CAVIN4: variants seen among roughly 807,000 people sequenced by gnomAD.
The protein encoded by CAVIN4 is caveolae associated protein 4, also known as caveolae-associated protein 4.
CAVIN4 carries 10 observed loss-of-function variants against 18.6 expected under a neutral mutation model. The observed-to-expected ratio is 0.54, with a 90% CI of 0.33 to 0.91. The LOEUF (loss-of-function observed/expected upper bound fraction) is 0.91. Ranked by LOEUF, CAVIN4 falls within the 40% of genes least tolerant of loss-of-function variation. CAVIN4 has a pLI of 0.02. For synonymous variants in CAVIN4, 173 were observed against 164.8 expected (o/e 1.05, Z -0.38); for missense variants, 459 against 440.5 (o/e 1.04, Z -0.38).
chr9:100,580,831 G>A (rs1426197797), intron 1 of CAVIN4, among the ~76,000 whole-genome samples: 4 of 152,188 alleles, frequency 2.6e-5, no homozygotes, highest in African/African-American at 2.4e-5. Context: ...GGAACAGCTC[G>A]TAGAGAAAAG....
At position 100,586,179 on chromosome 9, in the gene CAVIN4, A is replaced by G. The variant is rs777615745; in HGVS notation, c.823A>G (p.Arg275Gly). 12 of 1,559,882 alleles carry G rather than the reference A, an allele frequency of 7.7e-6. No homozygotes were observed. In the South Asian group the frequency reaches 1.3e-4, roughly 16 times the overall value. The stretch of plus-strand genomic sequence containing the variant: ...GGAAGCTTTTAAGATGCGCAGCCTC[A>G]GGAAAGGTAAGGACCGAACAGTGGC... ...SKEAFKMRSL[R>G]KGKDRTVAEG... The change falls in exon 2 of 2, where the codon AGG (arginine) becomes GGG (glycine). Residue 275 changes from arginine (R) to glycine (G), a missense_variant. Coordinates refer to ENST00000307584, the MANE Select transcript of CAVIN4 (RefSeq NM_001018116.2).
At chr9:100,577,703 G>A (rs1839376838), upstream of CAVIN4, 1 of 154,458 alleles carries the variant, frequency 6.5e-6, no homozygotes, top group African/African-American at 2.4e-5. Flanking sequence ...TATTTAATAT[G>A]TGAAATTAGT....
intron 1 of CAVIN4, among the ~76,000 whole-genome samples, chr9:100,584,928 G>A (rs1287692643): frequency 1.3e-5 from 2 of 152,324 alleles, no homozygotes; most frequent in South Asian, 2.1e-4. Flanking sequence ...GAGGAATTGA[G>A]AGTGATTGTA....
intron 1 of CAVIN4, among the ~76,000 whole-genome samples, chr9:100,583,652 CATTCATTT>C (rs904084520): frequency 9.7e-6 from 1 of 103,098 alleles, no homozygotes; most frequent in African/African-American, 3.5e-5. Flanking sequence ...TTCATTCATT[CATTCATTT>C]TTTTTAGACA....
intron 1 of CAVIN4, 22 bp from the exon 2 acceptor site, chr9:100,585,743 C>G: frequency 6.3e-7 from 1 of 1,599,746 alleles, no homozygotes; most frequent in Non-Finnish European, 8.6e-7. Context: ...CACTAATATG[C>G]TTTGTTTTTT....
intron 1 of CAVIN4, among the ~76,000 whole-genome samples, chr9:100,579,075 G>T (rs983332017): frequency 2.0e-5 from 3 of 152,158 alleles, no homozygotes; most frequent in Non-Finnish European, 4.4e-5. Context: ...AGATCACAAT[G>T]ATAGCGATTT....
At chr9:100,579,872 C>T (rs1839409586) in intron 1 of CAVIN4, among the ~76,000 whole-genome samples, 2 of 152,114 alleles carry the variant, frequency 1.3e-5, no homozygotes, top group Non-Finnish European at 2.9e-5. Flanking sequence ...GGCAATTCTC[C>T]ATAGCCCTCT....
intron 1 of CAVIN4, among the ~76,000 whole-genome samples, chr9:100,582,356 C>T (rs1042723577): frequency 6.6e-6 from 1 of 152,054 alleles, no homozygotes; most frequent in African/African-American, 2.4e-5. Context: ...CTCTCTCTCT[C>T]TTTTAAAGAG....
chr9:100,585,552 A>C (rs1004890049), intron 1 of CAVIN4, among the ~76,000 whole-genome samples: 2 of 152,198 alleles, frequency 1.3e-5, no homozygotes, highest in Admixed American at 6.5e-5. Context: ...ATTGGATCTG[A>C]AAAATGGAGT....
At chr9:100,582,537 C>T (rs982734408) in intron 1 of CAVIN4, among the ~76,000 whole-genome samples, 30 of 152,108 alleles carry the variant, frequency 2.0e-4, no homozygotes, top group African/African-American at 7.0e-4. Flanking sequence ...GTGGAGGTCT[C>T]ACTTTGTTGC....
rs899257053 is a variant in CAVIN4 at position 100,586,124 on chromosome 9, G to A, written c.768G>A (p.Lys256=). The A allele has an allele frequency of 3.8e-6, 6 of 1,591,668 alleles. No homozygotes were observed. The African/African-American group carries it at 8.1e-5, about 22-fold the overall frequency. Residue 256 remains lysine (K), a synonymous_variant, in exon 2 of 2, where the codon AAG becomes AAA. Transcript: ENST00000307584. ...ERLRQSGERF[K]KSISNAAPSK... ...TGAGACAGTCAGGGGAGAGGTTTAAGAAATCTATTTCTAATGCAGCTCCCT... is the reference window on the plus strand; with the variant it reads ...TGAGACAGTCAGGGGAGAGGTTTAAAAAATCTATTTCTAATGCAGCTCCCT...
Position 100,578,344 on chromosome 9 carries a change from C to T in CAVIN4, c.201C>T (p.Ser67=), listed in dbSNP as rs574438701. ...RHREMENAIK[S]VQIDLLKLSQ... Reference sequence around the variant, plus strand: ...GGGAAATGGAAAATGCCATAAAATCCGTCCAGATTGACCTGTTGAAGCTTT... The same window carrying T: ...GGGAAATGGAAAATGCCATAAAATCTGTCCAGATTGACCTGTTGAAGCTTT... The change falls in exon 1 of 2, where the codon TCC becomes TCT. Residue 67 remains serine (S), a synonymous_variant. Coordinates refer to ENST00000307584, the MANE Select transcript of CAVIN4 (RefSeq NM_001018116.2). The T allele has an allele frequency of 9.3e-6, 15 of 1,614,000 alleles. No homozygotes were observed. The highest frequency in any genetic ancestry group is 7.7e-5 in the South Asian group (7 of 91,066).
upstream of CAVIN4, among the ~76,000 whole-genome samples, chr9:100,577,793 C>T (rs1839378502): frequency 6.6e-6 from 1 of 152,108 alleles, no homozygotes; most frequent in African/African-American, 2.4e-5. Flanking sequence ...AAAAGCTTTA[C>T]CCAACATTTG....
intron 1 of CAVIN4, among the ~76,000 whole-genome samples, chr9:100,585,037 G>A (rs189112335): frequency 2.0e-3 from 303 of 152,318 alleles, no homozygotes; most frequent in Non-Finnish European, 3.2e-3. Flanking sequence ...GTATTGGTGA[G>A]CTCTCCAAAG....
In CAVIN4 at chr9:100,586,173, A is replaced by G. The variant is rs1839475973; in HGVS notation, c.817A>G (p.Ser273Gly). The G allele has an allele frequency of 6.4e-7, 1 of 1,561,832 alleles. No homozygotes were observed. Among genetic ancestry groups the G allele is most frequent in the Non-Finnish European group, 8.6e-7 (1 of 1,157,256 alleles). ...CTCAAAGGAAGCTTTTAAGATGCGC[A>G]GCCTCAGGAAAGGTAAGGACCGAAC... ...APSKEAFKMR[S>G]LRKGKDRTVA... The change falls in exon 2 of 2, where the codon AGC (serine) becomes GGC (glycine). Residue 273 changes from serine to glycine, a missense_variant. By Grantham distance (56) the Ser-to-Gly change is moderately conservative. Coordinates refer to ENST00000307584, the MANE Select transcript of CAVIN4 (RefSeq NM_001018116.2).
rs563908453 is a variant in CAVIN4, at chr9:100,584,891, G to A, written c.409-874G>A. Among the ~76,000 whole-genome samples the A allele has an allele frequency of 5.3e-5, 8 of 152,294 alleles. No individual in the cohort carries two copies. In the East Asian group the frequency reaches 9.6e-4, roughly 18 times the overall value. The stretch of plus-strand genomic sequence containing the variant: ...TACCAGAAATCACATATACATAGGC[G>A]TAGAGGGATGAAAACATCTTGTGCT... On this transcript the variant is annotated intron_variant, in intron 1 of 1. Coordinates refer to ENST00000307584, the MANE Select transcript of CAVIN4 (RefSeq NM_001018116.2).
chr9:100,582,080 TA>T, intron 1 of CAVIN4, among the ~76,000 whole-genome samples: 1 of 152,356 alleles, frequency 6.6e-6, no homozygotes, highest in East Asian at 1.9e-4. Context: ...TATATTTATA[TA>T]TTTTTTGATT....
chr9:100,585,853 A>T lies in CAVIN4; in HGVS notation c.497A>T (p.Asp166Val). The T allele has an allele frequency of 6.2e-7, 1 of 1,614,180 alleles. No homozygotes were observed. Among genetic ancestry groups the T allele is most frequent in the Admixed American group, 1.7e-5 (1 of 60,024 alleles). The change falls in exon 2 of 2, where the codon GAT (aspartate) becomes GTT (valine). Residue 166 changes from aspartate to valine, a missense_variant. Asp to Val is a radical substitution (Grantham distance 152, BLOSUM62 -3). Coordinates refer to ENST00000307584, the MANE Select transcript of CAVIN4 (RefSeq NM_001018116.2). ...NQEEDDDDIFDPPVDLSSDEE... is the reference protein window; with the variant it reads ...NQEEDDDDIFVPPVDLSSDEE... ...GAAGAGGATGATGATGATATCTTTGATCCCCCAGTAGATCTGTCTTCGGAT... is the reference window on the plus strand; with the variant it reads ...GAAGAGGATGATGATGATATCTTTGTTCCCCCAGTAGATCTGTCTTCGGAT...
At chr9:100,584,195 C>T (rs112822416) in intron 1 of CAVIN4, among the ~76,000 whole-genome samples, 2 of 152,226 alleles carry the variant, frequency 1.3e-5, no homozygotes, top group Non-Finnish European at 1.5e-5. Flanking sequence ...GTAGTTCAAA[C>T]AGCACCTTCC....
Sources: allele counts gnomAD v4.1 joint callset (sites outside exome capture counted in the v4.1 genomes callset), GRCh38; gene constraint gnomAD v4.1.1; transcripts MANE v1.5; gene names NCBI Gene and HGNC (gene_info 2026-07-23, HGNC 2026-07-21).